The following TMEM132B variants were observed in gnomAD, a reference collection of about 807,000 sequenced individuals.
The protein encoded by TMEM132B is transmembrane protein 132B.
A neutral mutation model predicts 90.8 loss-of-function variants in TMEM132B; 18 were observed. That is an observed-to-expected ratio of 0.20 (90% CI 0.14 to 0.29). The LOEUF is 0.29. TMEM132B is among the 10% of genes least tolerant of loss of function. The pLI, the probability that TMEM132B is intolerant of heterozygous loss-of-function variation, is 1.00. For synonymous variants in TMEM132B, 504 were observed against 523.3 expected (o/e 0.96, Z 0.50); for missense variants, 1,096 against 1,326.8 (o/e 0.83, Z 2.70).
Position 125,652,586 on chromosome 12 carries a change from T to C in TMEM132B, c.2060T>C (p.Ile687Thr). The C allele has an allele frequency of 6.2e-7, 1 of 1,613,752 alleles. No individual in the cohort carries two copies. The highest frequency in any genetic ancestry group is 8.5e-7 in the Non-Finnish European group (1 of 1,179,754). Residue 687 changes from isoleucine to threonine, a missense_variant, in exon 8 of 9, where the codon ATC (isoleucine) becomes ACC (threonine). By Grantham distance (89) the Ile-to-Thr change is moderately conservative. Coordinates refer to ENST00000682704, the MANE Select transcript of TMEM132B (RefSeq NM_001366854.1). Reference sequence around the variant, plus strand: ...CCACACCGAGCAGACAAAAGGGCCATCGTCTCCACAGCTGCTGCCCTGGAT... The same window carrying C: ...CCACACCGAGCAGACAAAAGGGCCACCGTCTCCACAGCTGCTGCCCTGGAT... ...LQPHRADKRA[I>T]VSTAAALDVL...
rs1440399923 is a variant in TMEM132B at position 125,656,301 on chromosome 12, C to G, written c.*1591C>G. On this transcript the variant is annotated 3_prime_UTR_variant, in exon 9 of 9. Transcript: ENST00000682704. Reference sequence around the variant, plus strand: ...AGTAGGAAGGATCTGCAGGGGGTCACCTGAAGCAGTGCCCTGACTCCAAAT... The same window carrying G: ...AGTAGGAAGGATCTGCAGGGGGTCAGCTGAAGCAGTGCCCTGACTCCAAAT... 1 of 152,132 alleles carries G rather than the reference C, an allele frequency of 6.6e-6. No homozygotes were observed. Among genetic ancestry groups the G allele is most frequent in the Non-Finnish European group, 1.5e-5 (1 of 68,036 alleles). The allele number at this position is 152,132 out of a possible 1,614,324, so 9.4% of individuals were successfully genotyped here. A position where few individuals can be genotyped will look rare whatever the true frequency, so the allele number is the denominator to read the frequency against.
chr12:125,480,171 C>A (rs1399905046), intron 3 of TMEM132B, among the ~76,000 whole-genome samples: 1 of 152,018 alleles, frequency 6.6e-6, no homozygotes, highest in African/African-American at 2.4e-5. Flanking sequence ...GATCTAAAAT[C>A]GACACCCTAA....
chr12:125,190,163 G>A (rs1957788386), intron 1 of TMEM132B, among the ~76,000 whole-genome samples: 2 of 152,004 alleles, frequency 1.3e-5, no homozygotes, highest in Admixed American at 1.3e-4. Context: ...TGAATTGGAG[G>A]CCTGGGCTCC....
chr12:125,494,620 T>C (rs1467060950), intron 3 of TMEM132B, among the ~76,000 whole-genome samples: 2 of 80,158 alleles, frequency 2.5e-5, no homozygotes, highest in Non-Finnish European at 2.3e-5. Flanking sequence ...GCGTCCCTCC[T>C]CCCCCTCCTC....
chr12:125,265,763 A>G (rs1177427652), intron 1 of TMEM132B, among the ~76,000 whole-genome samples: 2 of 152,128 alleles, frequency 1.3e-5, no homozygotes, highest in Non-Finnish European at 2.9e-5. Flanking sequence ...AAGTCATGAG[A>G]CTGGAGCTCT....
intron 4 of TMEM132B, among the ~76,000 whole-genome samples, chr12:125,557,318 A>G (rs1269339270): frequency 6.6e-6 from 1 of 152,016 alleles, no homozygotes; most frequent in African/African-American, 2.4e-5. Context: ...GGTCTCTGTG[A>G]CCAATTTACC....
intron 5 of TMEM132B, among the ~76,000 whole-genome samples, chr12:125,628,996 C>T (rs926495717): frequency 6.6e-6 from 1 of 152,028 alleles, no homozygotes; most frequent in Non-Finnish European, 1.5e-5. Context: ...CTATTCTGTT[C>T]CATTGGTCTA....
chr12:125,625,171 T>C (rs894189355), intron 5 of TMEM132B, among the ~76,000 whole-genome samples: 3 of 141,240 alleles, frequency 2.1e-5, no homozygotes. Context: ...CTCGCTCTGT[T>C]GCCCAGGCTG....
chr12:125,567,216 A>G (rs1884679754), intron 4 of TMEM132B, among the ~76,000 whole-genome samples: 1 of 151,476 alleles, frequency 6.6e-6, no homozygotes, highest in South Asian at 2.1e-4. Flanking sequence ...GTCTCCCTCC[A>G]TTTGTCCATG....
At chr12:125,375,147 A>G (rs747827979) in intron 2 of TMEM132B, among the ~76,000 whole-genome samples, 2 of 152,222 alleles carry the variant, frequency 1.3e-5, no homozygotes, top group Non-Finnish European at 2.9e-5. Flanking sequence ...GCTCAGATAC[A>G]AAAAGCAGCT....
chr12:125,495,815 A>C (rs535446457), intron 3 of TMEM132B, among the ~76,000 whole-genome samples: 22 of 152,200 alleles, frequency 1.4e-4, no homozygotes, highest in Non-Finnish European at 2.6e-4. Flanking sequence ...ATGCACTGGG[A>C]TTAGTACATT....
At chr12:125,405,827 GTGTC>G (rs573253454) in intron 2 of TMEM132B, among the ~76,000 whole-genome samples, 106 of 152,322 alleles carry the variant, frequency 7.0e-4, no homozygotes, top group African/African-American at 2.5e-3. Context: ...CCTTGGGAAA[GTGTC>G]TGGCTCAGGG....
At chr12:125,624,155 G>A (rs1458175532) in intron 5 of TMEM132B, among the ~76,000 whole-genome samples, 1 of 152,192 alleles carries the variant, frequency 6.6e-6, no homozygotes, top group Non-Finnish European at 1.5e-5. Context: ...AATCATGGAG[G>A]CCAGATGAAC....
At chr12:125,322,815 A>G (rs1876464807) in intron 1 of TMEM132B, among the ~76,000 whole-genome samples, 1 of 152,202 alleles carries the variant, frequency 6.6e-6, no homozygotes, top group African/African-American at 2.4e-5. Context: ...CAACATGATT[A>G]GCATTTCCCC....
chr12:125,500,047 G>T (rs1882657786), intron 3 of TMEM132B, among the ~76,000 whole-genome samples: 1 of 152,126 alleles, frequency 6.6e-6, no homozygotes, highest in African/African-American at 2.4e-5. Context: ...CCAGTGCATT[G>T]TTGGCACCAT....
chr12:125,614,962 G>A (rs988300318), intron 5 of TMEM132B, among the ~76,000 whole-genome samples: 6 of 152,122 alleles, frequency 3.9e-5, no homozygotes, highest in African/African-American at 1.4e-4. Flanking sequence ...ATTCTTGGTT[G>A]ACAGTTTACT....
At chr12:125,574,991 A>G (rs1327774006) in intron 4 of TMEM132B, among the ~76,000 whole-genome samples, 2 of 141,588 alleles carry the variant, frequency 1.4e-5, no homozygotes, top group East Asian at 4.1e-4. Flanking sequence ...AGGGTTGGCA[A>G]CCATCAACAC....
intron 1 of TMEM132B, among the ~76,000 whole-genome samples, chr12:125,222,460 A>G (rs1374304774): frequency 2.0e-5 from 3 of 152,162 alleles, no homozygotes; most frequent in African/African-American, 7.2e-5. Flanking sequence ...TAAGGAAACA[A>G]TTGCACAAAC....
rs933889916 is a variant in TMEM132B at position 125,251,926 on chromosome 12, G to T, written c.67+65060G>T. ...AGTTAGGTGCCACATCTGGCCTGAA[G>T]GCCTTTATGCATGATCTGAAGTTAT... is the stretch of plus-strand genomic sequence containing the variant. On this transcript the variant is annotated intron_variant, in intron 1 of 8. Coordinates refer to ENST00000682704, the MANE Select transcript of TMEM132B (RefSeq NM_001366854.1). This position sits in a 1 kb window ranked among gnomAD's most constrained non-coding sequence, Gnocchi z 4.4. Among the ~76,000 whole-genome samples, 8 of 152,232 alleles carry T rather than the reference G, an allele frequency of 5.3e-5. No individual in the cohort carries two copies. Among genetic ancestry groups the T allele is most frequent in the Non-Finnish European group, 1.2e-4 (8 of 68,040 alleles).
Sources: gnomAD v4.1 joint callset for allele counts (sites outside exome capture counted in the v4.1 genomes callset) on GRCh38, gnomAD v4.1.1 for gene constraint, Gnocchi (gnomAD v3.1) non-coding constraint, MANE v1.5 for transcripts, NCBI Gene and HGNC (gene_info 2026-07-23, HGNC 2026-07-21) for gene names.